FGD6: variants seen among roughly 807,000 people sequenced by gnomAD.
The protein encoded by FGD6 is FYVE, RhoGEF and PH domain containing 6.
FGD6 carries 90 observed loss-of-function variants against 149.4 expected under a neutral mutation model. The observed-to-expected ratio is 0.60, with a 90% CI of 0.51 to 0.72. The LOEUF (loss-of-function observed/expected upper bound fraction) is 0.72, where lower values mean the gene tolerates loss of function less well. Ranked by LOEUF, FGD6 falls within the 30% of genes least tolerant of loss-of-function variation. FGD6 has a pLI of 0.00. For synonymous variants in FGD6, 527 were observed against 584.0 expected, an observed-to-expected ratio of 0.90 and a Z score of 1.41; for missense variants, 1,437 against 1,684.8, an observed-to-expected ratio of 0.85 and a Z score of 2.57.
chr12:95,210,017 T>TA lies in FGD6; in HGVS notation c.1266dup (p.Asn423Ter), dbSNP rs1565925216. On this transcript the variant is annotated frameshift_variant, in exon 2 of 21. Coordinates refer to ENST00000343958, the MANE Select transcript of FGD6 (RefSeq NM_018351.4). LOFTEE classifies it high-confidence loss of function. Reference sequence around the variant, plus strand: ...ACAGTTGTGCTGTCAGAACTCAAATTAGAGTCTTTATCAAAAGAAGGTGCC... The same window carrying TA: ...ACAGTTGTGCTGTCAGAACTCAAATTAAGAGTCTTTATCAAAAGAAGGTGCC... 1.9e-6 allele frequency: 3 copies of TA among 1,613,534 alleles called. No homozygotes were observed. The highest frequency in any genetic ancestry group is 2.5e-6 in the Non-Finnish European group (3 of 1,179,846).
intron 8 of FGD6, among the ~76,000 whole-genome samples, chr12:95,134,065 GA>G (rs1262765137): frequency 1.3e-5 from 2 of 152,026 alleles, no homozygotes; most frequent in African/African-American, 4.8e-5. Context: ...TAACTATCAG[GA>G]TAAGAATACT....
In FGD6 at chr12:95,085,885, A is replaced by C. The variant is rs369237202; in HGVS notation, c.4002T>G (p.Ser1334=). The part of the protein sequence containing the change: ...LKEVSANTED[S]SMSGYLYRSK... ...ATCTGTACAAGTAGCCACTCATAGA[A>C]GAATCCTCTGTGTTTGCTGATACCT... Residue 1334 remains serine, a synonymous_variant, in exon 19 of 21, where the codon TCT becomes TCG. Transcript: ENST00000343958. 73 of 1,610,418 alleles carry C rather than the reference A, an allele frequency of 4.5e-5. No homozygotes were observed. The highest frequency in any genetic ancestry group is 5.9e-5 in the Non-Finnish European group (70 of 1,179,170).
intron 2 of FGD6, among the ~76,000 whole-genome samples, chr12:95,198,478 C>T (rs1363423568): frequency 6.6e-6 from 1 of 152,110 alleles, no homozygotes; most frequent in Non-Finnish European, 1.5e-5. Flanking sequence ...CTCGCTCTGT[C>T]ACCCAGGCTG....
At chr12:95,134,697 A>AT (rs774079677) in intron 8 of FGD6, 42 bp downstream of exon 8, 55 of 1,583,510 alleles carry the variant, frequency 3.5e-5, no homozygotes, top group Non-Finnish European at 4.4e-5. Flanking sequence ...TGGCTGATGG[A>AT]TAAACCAACT....
At chr12:95,193,082 AAC>A (rs1196013032) in intron 2 of FGD6, among the ~76,000 whole-genome samples, 1 of 152,202 alleles carries the variant, frequency 6.6e-6, no homozygotes, top group African/African-American at 2.4e-5. Flanking sequence ...TACTCTGGAA[AAC>A]AGTTTGGCAG....
At chr12:95,102,457 A>AAAAC (rs59594690) in intron 14 of FGD6, among the ~76,000 whole-genome samples, 2 of 151,368 alleles carry the variant, frequency 1.3e-5, no homozygotes, top group East Asian at 1.9e-4. Context: ...AAAAAAAAAA[A>AAAAC]AAAAAAAAAA....
At chr12:95,214,752 C>A (rs1321312298) in intron 1 of FGD6, among the ~76,000 whole-genome samples, 1 of 152,154 alleles carries the variant, frequency 6.6e-6, no homozygotes, top group Non-Finnish European at 1.5e-5. Flanking sequence ...TCTCTGGCTA[C>A]TGGACCAGCC....
chr12:95,120,612 C>T (rs1006978274), intron 8 of FGD6, among the ~76,000 whole-genome samples: 13 of 151,424 alleles, frequency 8.6e-5, no homozygotes, highest in South Asian at 2.1e-4. Context: ...GCTTAAACTC[C>T]GGAGGCAGAG....
At chr12:95,099,613 T>C (rs929982008) in intron 14 of FGD6, among the ~76,000 whole-genome samples, 8 of 152,154 alleles carry the variant, frequency 5.3e-5, no homozygotes, top group African/African-American at 1.9e-4. Context: ...AGTAATCCTA[T>C]TGGGTTTTTT....
Position 95,140,142 on chromosome 12 carries a change from TG to T in FGD6, c.2837+1245del, listed in dbSNP as rs1277104847. ...GAGAAATTTTGAACATGAAAGTAGG[TG>T]ATACTATTTTCTTATTCTAATCATG... is the stretch of plus-strand genomic sequence containing the variant. On this transcript the variant is annotated intron_variant, in intron 6 of 20. Coordinates refer to ENST00000343958, the MANE Select transcript of FGD6 (RefSeq NM_018351.4). 2.0e-5 allele frequency among the ~76,000 whole-genome samples: 3 copies of T among 152,296 alleles called. No individual in the cohort carries two copies. In the East Asian group the frequency reaches 5.8e-4, roughly 29 times the overall value.
intron 3 of FGD6, among the ~76,000 whole-genome samples, chr12:95,164,265 G>T (rs1230411311): frequency 7.0e-6 from 1 of 143,756 alleles, no homozygotes; most frequent in Non-Finnish European, 1.5e-5. Context: ...TTTTTGAGAC[G>T]GAGTCTCGCT....
intron 3 of FGD6, among the ~76,000 whole-genome samples, chr12:95,162,204 C>G (rs1880664838): frequency 6.6e-6 from 1 of 151,322 alleles, no homozygotes; most frequent in South Asian, 2.1e-4. Flanking sequence ...GAGTTCAAGG[C>G]TGCAGGGGAC....
chr12:95,182,818 A>G (rs1166453672), intron 2 of FGD6, among the ~76,000 whole-genome samples: 1 of 152,222 alleles, frequency 6.6e-6, no homozygotes, highest in Non-Finnish European at 1.5e-5. Context: ...CACGCCTGTA[A>G]TCCCAACTAC....
In FGD6 at chr12:95,217,236, G is replaced by A. The variant is rs1415335964; in HGVS notation, c.5C>T (p.Thr2Ile). 6.2e-7 allele frequency: 1 copy of A among 1,612,112 alleles called. No individual in the cohort carries two copies. The highest frequency in any genetic ancestry group is 1.1e-5 in the South Asian group (1 of 90,948). ...GCGCCGTCACTTACCGGCTGCAGAA[G>A]TCATGATTCCCCGGTGCAGCTCGCT... The part of the protein sequence containing the change: M[T>I]SAAEIKKPPV... Residue 2 changes from threonine to isoleucine, a missense_variant, in exon 1 of 21, where the codon ACT becomes ATT. Coordinates refer to ENST00000343958, the MANE Select transcript of FGD6 (RefSeq NM_018351.4).
intron 5 of FGD6, among the ~76,000 whole-genome samples, chr12:95,148,400 C>T (rs1880076027): frequency 6.7e-6 from 1 of 149,214 alleles, no homozygotes; most frequent in South Asian, 2.1e-4. Flanking sequence ...TGTACGTCTC[C>T]ACCTAAAGAA....
intron 3 of FGD6, 150 bp from the exon 4 acceptor site, chr12:95,153,143 G>A (rs763759619): frequency 1.5e-6 from 1 of 659,940 alleles, no homozygotes; most frequent in African/African-American, 1.8e-5. Flanking sequence ...GGCAAACGTG[G>A]AGAATTGGAT....
chr12:95,211,597 T>C (rs1469954062), intron 1 of FGD6, among the ~76,000 whole-genome samples: 2 of 150,666 alleles, frequency 1.3e-5, no homozygotes, highest in African/African-American at 4.9e-5. Context: ...TGGAGTGCAG[T>C]GACATGATCT....
At position 95,210,606 on chromosome 12, in the gene FGD6, T is replaced by C; in HGVS notation, c.678A>G (p.Ser226=). Residue 226 remains serine, a synonymous_variant, in exon 2 of 21, where the codon TCA becomes TCG. Transcript: ENST00000343958. The part of the protein sequence containing the change: ...GQFRIEFADL[S]PSPSSFEKVP... ...CTTTTTCAAAGCTGGATGGGGAAGG[T>C]GACAAATCCGCAAATTCAATTCTGA... is the stretch of plus-strand genomic sequence containing the variant. 1 of 1,614,138 alleles carries C rather than the reference T, an allele frequency of 6.2e-7. No homozygotes were observed. Among genetic ancestry groups the C allele is most frequent in the African/African-American group, 1.3e-5 (1 of 75,040 alleles).
intron 14 of FGD6, chr12:95,101,181 CAAA>C (rs11364960): frequency 7.2e-5 from 10 of 139,122 alleles, no homozygotes; most frequent in Non-Finnish European, 6.2e-5. Context: ...ACTAAAAATA[CAAA>C]AAAAAAAAAA....
Sources: gnomAD v4.1 joint callset for allele counts (sites outside exome capture counted in the v4.1 genomes callset) on GRCh38, gnomAD v4.1.1 for gene constraint, MANE v1.5 for transcripts, NCBI Gene and HGNC (gene_info 2026-07-23, HGNC 2026-07-21) for gene names.